The following SOX5 variants were observed in gnomAD, a reference collection of about 807,000 sequenced individuals.
SOX5 encodes the protein SRY-box transcription factor 5.
In SOX5, 9 loss-of-function variants were observed where a neutral mutation model predicts 92.0. The observed-to-expected ratio is 0.10, with a 90% confidence interval of 0.06 to 0.17. The LOEUF (loss-of-function observed/expected upper bound fraction) is 0.17. Among genes scored for constraint, SOX5 ranks in the 10% least tolerant of loss-of-function variants. The pLI is 1.00. For synonymous variants in SOX5, 344 were observed against 336.3 expected (o/e 1.02, Z -0.25); for missense variants, 642 against 944.5 (o/e 0.68, Z 4.20).
intron 4 of SOX5, among the ~76,000 whole-genome samples, chr12:23,988,579 A>T (rs1950263649): frequency 6.6e-6 from 1 of 152,228 alleles, no homozygotes; most frequent in South Asian, 2.1e-4. Flanking sequence ...GTAGAAAACC[A>T]TAAATAAGCA....
intron 4 of SOX5, among the ~76,000 whole-genome samples, chr12:23,992,312 T>C (rs1950635701): frequency 6.6e-6 from 1 of 152,160 alleles, no homozygotes; most frequent in South Asian, 2.1e-4. Context: ...TTAGTAAATC[T>C]GCACAGAAAC....
intron 4 of SOX5, among the ~76,000 whole-genome samples, chr12:24,172,192 A>C (rs183794609): frequency 6.8e-4 from 104 of 152,160 alleles, no homozygotes; most frequent in Non-Finnish European, 1.3e-3. Context: ...AACCCTGGAG[A>C]GTCCCAGGAC....
chr12:23,718,765 A>C (rs2092651236), intron 6 of SOX5, among the ~76,000 whole-genome samples: 1 of 152,198 alleles, frequency 6.6e-6, no homozygotes, highest in African/African-American at 2.4e-5. Flanking sequence ...AACCAAAGTG[A>C]GAGAAAGGAA....
At chr12:23,723,470 A>T (rs2092933537) in intron 6 of SOX5, among the ~76,000 whole-genome samples, 1 of 151,952 alleles carries the variant, frequency 6.6e-6, no homozygotes, top group Non-Finnish European at 1.5e-5. Context: ...GCAGGTATGG[A>T]TGTAGGTATT....
intron 3 of SOX5, 138 bp from the exon 4 acceptor site, chr12:23,755,862 C>T (rs953777819): frequency 3.7e-6 from 2 of 543,276 alleles, no homozygotes; most frequent in Non-Finnish European, 6.4e-6. Context: ...AAACTGATAA[C>T]AGGGGTGGAA....
chr12:24,163,019 G>A (rs1952947428), intron 4 of SOX5, among the ~76,000 whole-genome samples: 1 of 152,108 alleles, frequency 6.6e-6, no homozygotes, highest in South Asian at 2.1e-4. Context: ...CATGCTGTGA[G>A]CCTCTTCCTA....
At chr12:24,355,986 C>T (rs1469591645) in intron 2 of SOX5, among the ~76,000 whole-genome samples, 1 of 151,966 alleles carries the variant, frequency 6.6e-6, no homozygotes, top group Non-Finnish European at 1.5e-5. Flanking sequence ...GGTCAAAATC[C>T]AGCCCAATTT....
chr12:24,457,526 C>T (rs1406967751), intron 1 of SOX5, among the ~76,000 whole-genome samples: 1 of 152,028 alleles, frequency 6.6e-6, no homozygotes, highest in Admixed American at 6.6e-5. Context: ...CCTTGTGGGA[C>T]TGTGTTTTCA....
At chr12:24,529,783 G>A (rs751007262) in intron 1 of SOX5, among the ~76,000 whole-genome samples, 3 of 152,192 alleles carry the variant, frequency 2.0e-5, no homozygotes, top group Non-Finnish European at 4.4e-5. Context: ...ACTTCAGGAG[G>A]CCGAGGTGGG....
intron 3 of SOX5, among the ~76,000 whole-genome samples, chr12:23,831,957 T>TACACAC (rs61053165): frequency 0.018 from 2,550 of 142,784 alleles, 89 homozygotes; most frequent in African/African-American, 0.06. Context: ...AAAGGGGAAC[T>TACACAC]ACACACACAC....
At chr12:23,536,988 T>C (rs1429651351) in intron 13 of SOX5, among the ~76,000 whole-genome samples, 1 of 152,126 alleles carries the variant, frequency 6.6e-6, no homozygotes, top group Non-Finnish European at 1.5e-5. Flanking sequence ...AATTCACATG[T>C]GAACAGAAAA....
intron 2 of SOX5, among the ~76,000 whole-genome samples, chr12:23,865,520 G>A (rs7309976): frequency 0.71 from 107,823 of 151,636 alleles, 38,501 homozygotes; most frequent in East Asian, 0.88. Flanking sequence ...CTAAAAATAC[G>A]AAAAATTAGC....
chr12:24,054,695 C>T (rs59740876), intron 4 of SOX5, among the ~76,000 whole-genome samples: 1 of 152,132 alleles, frequency 6.6e-6, no homozygotes, highest in South Asian at 2.1e-4. Context: ...TGAAATTTCT[C>T]TTCAAAACAT....
chr12:23,536,764 G>A (rs1186830666), intron 13 of SOX5, 95 bp from the exon 14 acceptor site: 2 of 975,962 alleles, frequency 2.0e-6, no homozygotes, highest in South Asian at 1.3e-5. Flanking sequence ...AAGTTGAGAT[G>A]TTAGCCAAAA....
chr12:23,664,673 A>G (rs1357915557), intron 7 of SOX5, among the ~76,000 whole-genome samples: 1 of 152,206 alleles, frequency 6.6e-6, no homozygotes, highest in South Asian at 2.1e-4. Flanking sequence ...ACAGGCATCT[A>G]AAGTTAATAA....
chr12:24,555,970 T>A (rs1485860716), intron 1 of SOX5, among the ~76,000 whole-genome samples: 2 of 152,220 alleles, frequency 1.3e-5, no homozygotes, highest in Non-Finnish European at 2.9e-5. Context: ...AGCCAATGAC[T>A]GACAGTGAGG....
At chr12:24,183,786 G>A (rs1165076781) in intron 4 of SOX5, among the ~76,000 whole-genome samples, 3 of 152,012 alleles carry the variant, frequency 2.0e-5, no homozygotes, top group Non-Finnish European at 4.4e-5. Flanking sequence ...AAACTGCGAG[G>A]GTTTAGTTCC....
chr12:24,133,650 A>G (rs1949857643), intron 4 of SOX5, among the ~76,000 whole-genome samples: 1 of 152,168 alleles, frequency 6.6e-6, no homozygotes, highest in African/African-American at 2.4e-5. Flanking sequence ...AAGCAAGAGC[A>G]CAAGAACAAA....
intron 6 of SOX5, among the ~76,000 whole-genome samples, chr12:23,734,147 T>C (rs943460782): frequency 6.6e-6 from 1 of 152,328 alleles, no homozygotes; most frequent in Non-Finnish European, 1.5e-5. Flanking sequence ...TCCTTATTAT[T>C]GCAAATTTCC....
Sources: allele counts gnomAD v4.1 joint callset (sites outside exome capture counted in the v4.1 genomes callset), GRCh38; gene constraint gnomAD v4.1.1; transcripts MANE v1.5; gene names NCBI Gene and HGNC (gene_info 2026-07-23, HGNC 2026-07-21).